RAB28: variants seen among roughly 807,000 people sequenced by gnomAD.
RAB28 encodes the protein ras-related protein Rab-28.
RAB28 carries 24 observed loss-of-function variants against 31.7 expected under a neutral mutation model. That is an observed-to-expected ratio of 0.76 (90% CI 0.55 to 1.06). The LOEUF (loss-of-function observed/expected upper bound fraction) is 1.06, where lower values mean the gene tolerates loss of function less well. Among genes scored for constraint, RAB28 ranks in the 50% least tolerant of loss-of-function variants. RAB28 has a pLI of 0.00. For synonymous variants in RAB28, 100 were observed against 90.4 expected (o/e 1.11, Z -0.60); for missense variants, 254 against 258.5 (o/e 0.98, Z 0.12).
chr4:13,381,392 A>AG, intron 5 of RAB28, 99 bp downstream of exon 5: 1 of 793,730 alleles, frequency 1.3e-6, no homozygotes, highest in Non-Finnish European at 2.1e-6. Context: ...TTCAATAGGA[A>AG]TTAATTTGCT....
At chr4:13,453,511 T>C (rs551740308) in intron 4 of RAB28, among the ~76,000 whole-genome samples, 1 of 152,304 alleles carries the variant, frequency 6.6e-6, no homozygotes, top group African/African-American at 2.4e-5. Flanking sequence ...TAAGAGTACC[T>C]TGAACATTTT....
At chr4:13,438,607 A>G (rs952989462) in intron 4 of RAB28, among the ~76,000 whole-genome samples, 3 of 152,130 alleles carry the variant, frequency 2.0e-5, no homozygotes, top group African/African-American at 7.2e-5. Context: ...ATGTATCAGT[A>G]TGTCACTCCT....
At chr4:13,479,026 T>G (rs905627283) in intron 2 of RAB28, among the ~76,000 whole-genome samples, 1 of 151,640 alleles carries the variant, frequency 6.6e-6, no homozygotes, top group Non-Finnish European at 1.5e-5. Flanking sequence ...GTTCCAACTT[T>G]AAACAAAAAA....
chr4:13,473,567 C>A (rs1476127662), intron 3 of RAB28, among the ~76,000 whole-genome samples: 1 of 151,730 alleles, frequency 6.6e-6, no homozygotes. Context: ...AAAGACAATT[C>A]TTCACTGAAC....
intron 4 of RAB28, among the ~76,000 whole-genome samples, chr4:13,427,221 G>A (rs750371144): frequency 2.6e-5 from 4 of 152,182 alleles, no homozygotes; most frequent in Non-Finnish European, 4.4e-5. Context: ...TGAACATTCT[G>A]AAGATATAAA....
chr4:13,373,853 C>T (rs1483896191), intron 6 of RAB28, among the ~76,000 whole-genome samples: 1 of 151,974 alleles, frequency 6.6e-6, no homozygotes, highest in Non-Finnish European at 1.5e-5. Flanking sequence ...TAGAATAATA[C>T]AAAGTACTTT....
At chr4:13,404,733 T>C (rs1035054925) in intron 4 of RAB28, among the ~76,000 whole-genome samples, 1 of 152,128 alleles carries the variant, frequency 6.6e-6, no homozygotes, top group East Asian at 1.9e-4. Context: ...AGGGAGGAAG[T>C]TGGAATATGG....
intron 4 of RAB28, among the ~76,000 whole-genome samples, chr4:13,411,119 C>G (rs1452899489): frequency 6.6e-6 from 1 of 151,950 alleles, no homozygotes; most frequent in Non-Finnish European, 1.5e-5. Flanking sequence ...ACATAAGAAT[C>G]AAGACTACTA....
intron 4 of RAB28, among the ~76,000 whole-genome samples, chr4:13,398,191 G>C (rs1711539146): frequency 6.6e-6 from 1 of 152,036 alleles, no homozygotes; most frequent in African/African-American, 2.4e-5. Context: ...AACTTTTGTT[G>C]CTTGTAAAAA....
chr4:13,442,725 A>G lies in RAB28; in HGVS notation c.391+17974T>C, dbSNP rs534895433. On this transcript the variant is annotated intron_variant, in intron 4 of 6. Coordinates refer to ENST00000330852, the MANE Select transcript of RAB28 (RefSeq NM_001017979.3). ...GGAAGGACAATAACAACTAACACATATAGCACTATTATATAACAGATATGG... is the reference window on the plus strand; with the variant it reads ...GGAAGGACAATAACAACTAACACATGTAGCACTATTATATAACAGATATGG... Among the ~76,000 whole-genome samples, 44 of 152,292 alleles carry G rather than the reference A, an allele frequency of 2.9e-4. 2 individuals are homozygous for G. The South Asian group carries it at 4.1e-3, about 14-fold the overall frequency.
At chr4:13,392,568 C>T (rs987186682) in intron 4 of RAB28, among the ~76,000 whole-genome samples, 6 of 152,198 alleles carry the variant, frequency 3.9e-5, no homozygotes, top group African/African-American at 1.4e-4. Context: ...ATAAAGAATG[C>T]ACTCTCCAAC....
Position 13,368,601 on chromosome 4 carries a change from C to T in RAB28, c.623G>A (p.Arg208Lys). The T allele has an allele frequency of 1.2e-6, 2 of 1,612,456 alleles. No individual in the cohort carries two copies. The highest frequency in any genetic ancestry group is 2.2e-5 in the South Asian group (2 of 90,978). Residue 208 changes from arginine (R) to lysine (K), a missense_variant, in exon 7 of 7, where the codon AGG becomes AAG. Transcript: ENST00000330852. Reference protein sequence around the residue: ...IVNYNQEPMSRTVNPPRSSMC... With the variant: ...IVNYNQEPMSKTVNPPRSSMC... Reference sequence around the variant, plus strand: ...AGAGCTTCTAGGAGGGTTAACAGTCCTTGACATAGGTTCCTGGTTGTAGTT... The same window carrying T: ...AGAGCTTCTAGGAGGGTTAACAGTCTTTGACATAGGTTCCTGGTTGTAGTT...
chr4:13,401,135 T>C (rs916434072), intron 4 of RAB28, among the ~76,000 whole-genome samples: 1 of 152,192 alleles, frequency 6.6e-6, no homozygotes, highest in Non-Finnish European at 1.5e-5. Flanking sequence ...ATACAATTAG[T>C]ATTATTTCTT....
At chr4:13,386,412 GAA>G (rs370951850) in intron 4 of RAB28, among the ~76,000 whole-genome samples, 5 of 149,456 alleles carry the variant, frequency 3.3e-5, no homozygotes, top group African/African-American at 1.2e-4. Context: ...AAATTTACAA[GAA>G]AAAAAAACAG....
At chr4:13,473,826 A>T in intron 3 of RAB28, 1 of 381,182 alleles carries the variant, frequency 2.6e-6, no homozygotes. Flanking sequence ...TCACATATAC[A>T]CTGTCATATT....
At chr4:13,445,331 G>A (rs1714639887) in intron 4 of RAB28, among the ~76,000 whole-genome samples, 2 of 151,926 alleles carry the variant, frequency 1.3e-5, no homozygotes, top group Admixed American at 1.3e-4. Flanking sequence ...GCTCAGCGAA[G>A]TTCATTATTA....
At chr4:13,480,572 T>C (rs1047806343) in intron 1 of RAB28, among the ~76,000 whole-genome samples, 3 of 151,874 alleles carry the variant, frequency 2.0e-5, no homozygotes, top group Admixed American at 6.6e-5. Flanking sequence ...AAAAGAAAAT[T>C]TGGCCAAACT....
At chr4:13,371,894 A>AAGCTTGTATTCACCC in intron 6 of RAB28, 1 of 1,499,470 alleles carries the variant, frequency 6.7e-7, no homozygotes, top group Non-Finnish European at 9.1e-7. Flanking sequence ...TATATGGGTG[A>AAGCTTGTATTCACCC]ATACAAGCTT....
At chr4:13,444,481 A>G (rs539175497) in intron 4 of RAB28, among the ~76,000 whole-genome samples, 71 of 152,312 alleles carry the variant, frequency 4.7e-4, no homozygotes, top group African/African-American at 1.4e-3. Context: ...TGCTGCAATG[A>G]ACTTGGGAGT....
Sources: gnomAD v4.1 joint callset for allele counts (sites outside exome capture counted in the v4.1 genomes callset) on GRCh38, gnomAD v4.1.1 for gene constraint, MANE v1.5 for transcripts, NCBI Gene and HGNC (gene_info 2026-07-23, HGNC 2026-07-21) for gene names.